The following SLC12A8 variants were observed in gnomAD, a reference collection of about 807,000 sequenced individuals.
SLC12A8 encodes the protein cation-chloride cotransporter 9.
In SLC12A8, 69 loss-of-function variants were observed where a neutral mutation model predicts 75.6. The observed-to-expected ratio is 0.91, with a 90% confidence interval of 0.75 to 1.11. The LOEUF (loss-of-function observed/expected upper bound fraction) is 1.11, where lower values mean the gene tolerates loss of function less well. Ranked by LOEUF, SLC12A8 falls within the 50% of genes most tolerant of loss-of-function variation. SLC12A8 has a pLI of 0.00. For synonymous variants in SLC12A8, 365 were observed against 372.8 expected (o/e 0.98, Z 0.24); for missense variants, 877 against 896.7 (o/e 0.98, Z 0.28).
intron 4 of SLC12A8, among the ~76,000 whole-genome samples, chr3:125,181,333 G>A (rs931316625): frequency 1.2e-4 from 18 of 151,882 alleles, no homozygotes; most frequent in African/African-American, 4.3e-4. Context: ...CAGGCGCGGT[G>A]GCTCACGCCT....
At chr3:125,195,115 A>G (rs1267607464) in intron 2 of SLC12A8, among the ~76,000 whole-genome samples, 1 of 152,266 alleles carries the variant, frequency 6.6e-6, no homozygotes, top group Admixed American at 6.5e-5. Flanking sequence ...ACAACAGAGG[A>G]TTTTAAATAT....
chr3:125,190,257 G>C, intron 3 of SLC12A8, 118 bp downstream of exon 3: 1 of 1,113,336 alleles, frequency 9.0e-7, no homozygotes, highest in Non-Finnish European at 1.3e-6. Flanking sequence ...CTTCTGTTTC[G>C]TGTTTCAGGA....
intron 5 of SLC12A8, among the ~76,000 whole-genome samples, chr3:125,160,828 C>T (rs1015332439): frequency 5.0e-5 from 7 of 139,192 alleles, no homozygotes; most frequent in East Asian, 4.3e-4. Context: ...ACATGGGACT[C>T]GGAGGGAGCT....
At chr3:125,129,066 G>T (rs894212020) in intron 6 of SLC12A8, among the ~76,000 whole-genome samples, 1 of 152,232 alleles carries the variant, frequency 6.6e-6, no homozygotes, top group Non-Finnish European at 1.5e-5. Flanking sequence ...AGTAAAGGCT[G>T]TAGGTTTCCT....
At chr3:125,131,967 T>C (rs1188061032) in intron 6 of SLC12A8, among the ~76,000 whole-genome samples, 4 of 152,138 alleles carry the variant, frequency 2.6e-5, no homozygotes, top group East Asian at 1.9e-4. Context: ...GGGGAGTACA[T>C]AGACCCTAAG....
chr3:125,111,257 C>G (rs1939180411), intron 8 of SLC12A8, among the ~76,000 whole-genome samples: 1 of 152,172 alleles, frequency 6.6e-6, no homozygotes, highest in Admixed American at 6.5e-5. Context: ...AGATCCATGA[C>G]CCACAAGGCA....
intron 5 of SLC12A8, among the ~76,000 whole-genome samples, chr3:125,157,380 A>G (rs1425200596): frequency 6.6e-6 from 1 of 152,176 alleles, no homozygotes; most frequent in Non-Finnish European, 1.5e-5. Context: ...AACGGCTGTG[A>G]TCTGAACAGA....
chr3:125,087,693 G>A (rs1938494767), intron 13 of SLC12A8, among the ~76,000 whole-genome samples: 4 of 152,200 alleles, frequency 2.6e-5, no homozygotes, highest in Admixed American at 2.0e-4. Flanking sequence ...AAGGTAAGAA[G>A]CAGTGATACT....
intron 2 of SLC12A8, among the ~76,000 whole-genome samples, chr3:125,207,664 T>G (rs1230597256): frequency 6.6e-6 from 1 of 152,226 alleles, no homozygotes; most frequent in Non-Finnish European, 1.5e-5. Flanking sequence ...TGTCTCAGGC[T>G]ACCTGCTTTC....
intron 4 of SLC12A8, 71 bp from the exon 5 acceptor site, chr3:125,178,045 C>A: frequency 8.0e-7 from 1 of 1,253,144 alleles, no homozygotes; most frequent in Non-Finnish European, 1.1e-6. Flanking sequence ...AACCGCCCAG[C>A]GCTGAGAACC....
Position 125,083,366 on chromosome 3 carries a change from A to C in SLC12A8, c.*524T>G. ...CATTCCTGATGTCACCCTGGGTGAG[A>C]CGTGGTCCTCAGAATCCAGATTTCC... is the stretch of plus-strand genomic sequence containing the variant. On this transcript the variant is annotated 3_prime_UTR_variant, in exon 14 of 14. Coordinates refer to ENST00000469902, the MANE Select transcript of SLC12A8 (RefSeq NM_024628.6). 6.3e-6 allele frequency: 1 copy of C among 158,258 alleles called. No homozygotes were observed. Among genetic ancestry groups the C allele is most frequent in the Non-Finnish European group, 1.4e-5 (1 of 71,550 alleles). The allele number at this position is 158,258 out of a possible 1,614,324, so 9.8% of individuals were successfully genotyped here.
At chr3:125,096,485 T>G (rs1938715332) in intron 10 of SLC12A8, among the ~76,000 whole-genome samples, 1 of 152,106 alleles carries the variant, frequency 6.6e-6, no homozygotes, top group Non-Finnish European at 1.5e-5. Flanking sequence ...ATGTACGAGG[T>G]ATTCCATACA....
In SLC12A8 at chr3:125,107,975, G is replaced by A. The variant is rs767699683; in HGVS notation, c.1211C>T (p.Ser404Phe). Residue 404 changes from serine (S) to phenylalanine (F), a missense_variant, in exon 10 of 14, where the codon TCC becomes TTC. By Grantham distance (155) the Ser-to-Phe change is radical. Coordinates refer to ENST00000469902, the MANE Select transcript of SLC12A8 (RefSeq NM_024628.6). ...TYVAVDYSYFSLSMCSCSLTP... is the reference protein window; with the variant it reads ...TYVAVDYSYFFLSMCSCSLTP... ...CAGGCTGCAGGAACACATGGACAGG[G>A]AGAAGTAAGAGTAGTCCACTGCAAC... is the stretch of plus-strand genomic sequence containing the variant. The A allele has an allele frequency of 5.6e-6, 9 of 1,614,210 alleles. No individual in the cohort carries two copies. The Admixed American group carries it at 1.5e-4, about 27-fold the overall frequency.
intron 9 of SLC12A8, among the ~76,000 whole-genome samples, chr3:125,108,569 A>C (rs571977850): frequency 1.3e-5 from 2 of 152,122 alleles, no homozygotes; most frequent in Admixed American, 6.5e-5. Context: ...TGGTTTTGCT[A>C]TGTTGCCCAG....
chr3:125,149,994 C>T (rs1308796960), intron 5 of SLC12A8, among the ~76,000 whole-genome samples: 1 of 152,146 alleles, frequency 6.6e-6, no homozygotes, highest in East Asian at 1.9e-4. Flanking sequence ...TAATCTTTCC[C>T]CCTTCAGGTC....
At chr3:125,095,796 C>T (rs2981523) in intron 10 of SLC12A8, among the ~76,000 whole-genome samples, 10,678 of 152,274 alleles carry the variant, frequency 0.07, 501 homozygotes, top group Non-Finnish European at 0.1. Context: ...GAGCCTCCCA[C>T]GGAGTTGGAA....
intron 10 of SLC12A8, among the ~76,000 whole-genome samples, chr3:125,097,595 C>A (rs1045241867): frequency 6.8e-6 from 1 of 147,032 alleles, no homozygotes; most frequent in African/African-American, 2.6e-5. Flanking sequence ...GGAACTTGGG[C>A]AGAAGTAGTA....
intron 6 of SLC12A8, among the ~76,000 whole-genome samples, chr3:125,129,628 G>A (rs952374611): frequency 8.5e-5 from 13 of 152,120 alleles, no homozygotes; most frequent in African/African-American, 2.7e-4. Flanking sequence ...GGGACAGAAG[G>A]GTTTGTTCAT....
Position 125,140,697 on chromosome 3 carries a change from C to CT in SLC12A8, c.623-4916dup, listed in dbSNP as rs71625781. ...CCCAAAGTCATTCCCCAGGAATTTC[C>CT]TTTTTTTTTTTCTTTTCTTTCTTTC... On this transcript the variant is annotated intron_variant, in intron 5 of 13. Coordinates refer to ENST00000469902, the MANE Select transcript of SLC12A8 (RefSeq NM_024628.6). Among the ~76,000 whole-genome samples the CT allele has an allele frequency of 4.1e-3, 603 of 148,046 alleles. 5 individuals carry two copies. The highest frequency in any genetic ancestry group is 0.014 in the African/African-American group (545 of 40,288).
Sources: gnomAD v4.1 joint callset for allele counts (sites outside exome capture counted in the v4.1 genomes callset) on GRCh38, gnomAD v4.1.1 for gene constraint, MANE v1.5 for transcripts, NCBI Gene and HGNC (gene_info 2026-07-23, HGNC 2026-07-21) for gene names.